The following SDK1 variants were observed in gnomAD, a reference collection of about 807,000 sequenced individuals.
SDK1 encodes protein sidekick-1.
A neutral mutation model predicts 245.5 loss-of-function variants in SDK1; 157 were observed. The observed-to-expected ratio is 0.64, with a 90% CI of 0.56 to 0.73. SDK1 has a LOEUF of 0.73. Ranked by LOEUF, SDK1 falls within the 30% of genes least tolerant of loss-of-function variation. The pLI is 0.00. For synonymous variants in SDK1, 1,647 were observed against 1,278.5 expected (o/e 1.29, Z -6.15); for missense variants, 3,583 against 3,002.3 (o/e 1.19, Z -4.52).
chr7:3,932,242 G>C lies in SDK1; in HGVS notation c.848-18681G>C, dbSNP rs566799683. Reference sequence around the variant, plus strand: ...TGCTTGTGATAATATGCCCGTAAGTGAGTATCTTAGGAGGGATCTTAGCTG... The same window carrying C: ...TGCTTGTGATAATATGCCCGTAAGTCAGTATCTTAGGAGGGATCTTAGCTG... On this transcript the variant is annotated intron_variant, in intron 5 of 44. Coordinates refer to ENST00000404826, the MANE Select transcript of SDK1 (RefSeq NM_152744.4). Among the ~76,000 whole-genome samples, 3 of 152,324 alleles carry C rather than the reference G, an allele frequency of 2.0e-5. No homozygotes were observed. In the South Asian group the frequency reaches 6.2e-4, roughly 32 times the overall value.
chr7:3,760,544 C>G (rs1583385447), intron 4 of SDK1, among the ~76,000 whole-genome samples: 2 of 152,266 alleles, frequency 1.3e-5, no homozygotes, highest in East Asian at 3.9e-4. Flanking sequence ...TCTTTTTGTA[C>G]ATGTAAATAA....
rs183311691 is a variant in SDK1, at chr7:4,118,123, G to A, written c.3823+3849G>A. On this transcript the variant is annotated intron_variant, in intron 25 of 44. Transcript: ENST00000404826. ...AGAATGAAAACCTTTATGCTTCAAA[G>A]AATGTCATAAAGGAAATGAAAAAAA... 5.8e-4 allele frequency among the ~76,000 whole-genome samples: 89 copies of A among 152,156 alleles called. 1 individual carries two copies. Among genetic ancestry groups the A allele is most frequent in the South Asian group, 1.5e-3 (7 of 4,820 alleles).
At chr7:3,536,569 C>A (rs1373562236) in intron 1 of SDK1, among the ~76,000 whole-genome samples, 2 of 151,982 alleles carry the variant, frequency 1.3e-5, no homozygotes, top group Non-Finnish European at 2.9e-5. Flanking sequence ...TGGCTCACCC[C>A]TGTGATCCCA....
intron 1 of SDK1, among the ~76,000 whole-genome samples, chr7:3,362,826 T>C (rs1780989500): frequency 6.6e-6 from 1 of 152,216 alleles, no homozygotes; most frequent in Non-Finnish European, 1.5e-5. Flanking sequence ...CGTGTGTGAT[T>C]AGACTTCTGA....
chr7:4,224,024 A>G (rs1422655995), intron 40 of SDK1, among the ~76,000 whole-genome samples: 1 of 152,142 alleles, frequency 6.6e-6, no homozygotes, highest in Non-Finnish European at 1.5e-5. Context: ...CCAACTCTTC[A>G]TACGTCTTCC....
At chr7:3,586,426 G>A (rs1183066783) in intron 1 of SDK1, among the ~76,000 whole-genome samples, 4 of 151,968 alleles carry the variant, frequency 2.6e-5, no homozygotes, top group East Asian at 1.9e-4. Context: ...GGCCGGGCGC[G>A]GTGGCTCACG....
At chr7:3,949,577 A>G (rs1583610242) in intron 5 of SDK1, among the ~76,000 whole-genome samples, 2 of 152,134 alleles carry the variant, frequency 1.3e-5, no homozygotes, top group Non-Finnish European at 2.9e-5. Context: ...AGTCATTTCC[A>G]TTTATTTTTA....
intron 19 of SDK1, among the ~76,000 whole-genome samples, chr7:4,058,271 T>C (rs1176676988): frequency 1.3e-5 from 2 of 152,050 alleles, no homozygotes; most frequent in Non-Finnish European, 2.9e-5. Context: ...AAAAATACAA[T>C]AGTAAGCTTC....
At chr7:3,500,940 A>G (rs1583958831) in intron 1 of SDK1, among the ~76,000 whole-genome samples, 2 of 151,926 alleles carry the variant, frequency 1.3e-5, no homozygotes, top group Non-Finnish European at 2.9e-5. Context: ...TCCTATTCTT[A>G]TTTAATAGAT....
At chr7:3,974,567 G>T (rs1349405278) in intron 13 of SDK1, 22 bp downstream of exon 13, 2 of 1,606,926 alleles carry the variant, frequency 1.2e-6, no homozygotes, top group East Asian at 4.5e-5. Flanking sequence ...GACGTTTGGT[G>T]TTAGCCAGTC....
chr7:4,153,819 G>A (rs1223510417), intron 30 of SDK1, among the ~76,000 whole-genome samples: 2 of 151,474 alleles, frequency 1.3e-5, no homozygotes, highest in African/African-American at 4.9e-5. Context: ...TAAGACTACA[G>A]GCATATGCTA....
At chr7:3,428,404 T>C (rs539619405) in intron 1 of SDK1, among the ~76,000 whole-genome samples, 8 of 152,212 alleles carry the variant, frequency 5.3e-5, no homozygotes, top group Non-Finnish European at 1.2e-4. Context: ...TATAACCATT[T>C]CACAAAGTCT....
chr7:3,345,683 C>T (rs528823924), intron 1 of SDK1, among the ~76,000 whole-genome samples: 116 of 152,180 alleles, frequency 7.6e-4, no homozygotes, highest in African/African-American at 2.5e-3. Flanking sequence ...AAAGACTCCT[C>T]AGCGTTATCT....
intron 40 of SDK1, 167 bp from the exon 41 acceptor site, chr7:4,233,088 C>G: frequency 1.7e-6 from 1 of 605,294 alleles, no homozygotes; most frequent in East Asian, 2.8e-5. Context: ...CGCTCTTCGA[C>G]TTGCGAAACT....
chr7:3,952,184 T>C, intron 7 of SDK1: 1 of 481,224 alleles, frequency 2.1e-6, no homozygotes, highest in South Asian at 2.4e-5. Context: ...AATAGAGCGG[T>C]GAAACCCCTG....
At position 4,234,771 on chromosome 7, in the gene SDK1, C is replaced by T. The variant is rs558536849; in HGVS notation, c.5992+1352C>T. ...CCCCGCGATGATTCTATCGTGCAGACCGGCTGCAAGCCAGGGCGCTGGGGG... is the reference window on the plus strand; with the variant it reads ...CCCCGCGATGATTCTATCGTGCAGATCGGCTGCAAGCCAGGGCGCTGGGGG... On this transcript the variant is annotated intron_variant, in intron 41 of 44. Transcript: ENST00000404826. Among the ~76,000 whole-genome samples the T allele has an allele frequency of 1.4e-3, 218 of 152,346 alleles. 1 individual carries two copies. Among genetic ancestry groups the T allele is most frequent in the African/African-American group, 5.1e-3 (211 of 41,590 alleles).
In SDK1 at chr7:3,823,966, T is replaced by G. The variant is rs534700203; in HGVS notation, c.847+2383T>G. On this transcript the variant is annotated intron_variant, in intron 5 of 44. Coordinates refer to ENST00000404826, the MANE Select transcript of SDK1 (RefSeq NM_152744.4). ...TGTTTTTTTGTGTTTTTTTTTTTTGTTTTTTTTTCTGCTAAAAGTTTTATT... is the reference window on the plus strand; with the variant it reads ...TGTTTTTTTGTGTTTTTTTTTTTTGGTTTTTTTTCTGCTAAAAGTTTTATT... Among the ~76,000 whole-genome samples the G allele has an allele frequency of 6.7e-5, 10 of 149,478 alleles. 1 individual carries two copies. In the South Asian group the frequency reaches 1.3e-3, roughly 19 times the overall value.
In SDK1 at chr7:3,434,602, G is replaced by C. The variant is rs113665861; in HGVS notation, c.298+132718G>C. ...TCTGGCTCAGGCTCAAAGATGTTAA[G>C]TAGCTCACCTAAGGTCATTTTGCCA... On this transcript the variant is annotated intron_variant, in intron 1 of 44. Coordinates refer to ENST00000404826, the MANE Select transcript of SDK1 (RefSeq NM_152744.4). Among the ~76,000 whole-genome samples the C allele has an allele frequency of 2.9e-4, 44 of 152,274 alleles. 2 individuals are homozygous for C. Among genetic ancestry groups the C allele is most frequent in the African/African-American group, 1.0e-3 (42 of 41,560 alleles).
intron 20 of SDK1, among the ~76,000 whole-genome samples, chr7:4,075,480 T>C (rs1780610359): frequency 6.6e-6 from 1 of 152,166 alleles, no homozygotes; most frequent in African/African-American, 2.4e-5. Context: ...CCTGAGGTTA[T>C]TGACTAGAAA....
Sources: gnomAD v4.1 joint callset for allele counts (sites outside exome capture counted in the v4.1 genomes callset) on GRCh38, gnomAD v4.1.1 for gene constraint, MANE v1.5 for transcripts, NCBI Gene and HGNC (gene_info 2026-07-23, HGNC 2026-07-21) for gene names.